SMG7: variants seen among roughly 807,000 people sequenced by gnomAD.
SMG7 encodes SMG7 nonsense mediated mRNA decay factor, also known as nonsense-mediated mRNA decay factor SMG7.
SMG7 carries 34 observed loss-of-function variants against 148.2 expected under a neutral mutation model. The observed-to-expected ratio is 0.23, with a 90% CI of 0.17 to 0.31. The LOEUF (loss-of-function observed/expected upper bound fraction) is 0.31, where lower values mean the gene tolerates loss of function less well. Among genes scored for constraint, SMG7 ranks in the 10% least tolerant of loss-of-function variants. The probability of loss-of-function intolerance (pLI) is 1.00; values close to 1 mark genes in which losing one functional copy is unlikely to be tolerated. For synonymous variants in SMG7, 492 were observed against 515.1 expected (o/e 0.96, Z 0.61); for missense variants, 1,114 against 1,408.4 (o/e 0.79, Z 3.35).
At chr1:183,504,771 C>G (rs2102348635) in intron 1 of SMG7, among the ~76,000 whole-genome samples, 1 of 152,288 alleles carries the variant, frequency 6.6e-6, no homozygotes, top group South Asian at 2.1e-4. Context: ...CCCCCTCTTA[C>G]TTTCAGACAC....
At position 183,547,029 on chromosome 1, in the gene SMG7, C is replaced by T. The variant is rs1170253497; in HGVS notation, c.2743-74C>T. 12 of 1,395,700 alleles carry T rather than the reference C, an allele frequency of 8.6e-6. No individual in the cohort carries two copies. In the East Asian group the frequency reaches 2.3e-4, roughly 26 times the overall value. The allele number at this position is 1,395,700 out of a possible 1,614,324, so 86.5% of individuals were successfully genotyped here. ...CCTTGACTTTAGTTGTCTTCTTCCACCTAATTATGCTACTATTCCTTTATG... is the reference window on the plus strand; with the variant it reads ...CCTTGACTTTAGTTGTCTTCTTCCATCTAATTATGCTACTATTCCTTTATG... On this transcript the variant is annotated intron_variant, in intron 17 of 22. Transcript: ENST00000688051.
rs113461689 is a variant in SMG7 at position 183,552,200 on chromosome 1, A to G, written c.*269A>G. The G allele has an allele frequency of 1.5e-5, 16 of 1,102,264 alleles. No individual in the cohort carries two copies. In the East Asian group the frequency reaches 1.6e-4, roughly 11 times the overall value. 68.3% of individuals were successfully genotyped at this position (1,102,264 alleles called of 1,614,324 possible). A position where few individuals can be genotyped will look rare whatever the true frequency, so the allele number is the denominator to read the frequency against. On this transcript the variant is annotated 3_prime_UTR_variant, in exon 23 of 23. Coordinates refer to ENST00000688051, the MANE Select transcript of SMG7 (RefSeq NM_001375584.1). Reference sequence around the variant, plus strand: ...TGTTTATCTCACTCAGTTACTTGGTATCACCGCCTCTCACCTTCTCCATCG... The same window carrying G: ...TGTTTATCTCACTCAGTTACTTGGTGTCACCGCCTCTCACCTTCTCCATCG...
intron 12 of SMG7, 67 bp downstream of exon 12, chr1:183,538,507 G>C: frequency 9.1e-7 from 1 of 1,097,312 alleles, no homozygotes; most frequent in Non-Finnish European, 1.4e-6. Context: ...CAGAGAATTG[G>C]GCTTGGATGT....
intron 1 of SMG7, among the ~76,000 whole-genome samples, chr1:183,494,870 C>T (rs559344772): frequency 6.9e-6 from 1 of 144,158 alleles, no homozygotes; most frequent in Non-Finnish European, 1.5e-5. Context: ...CGCTCTGTTG[C>T]CCAGGCTGGA....
intron 21 of SMG7, 55 bp downstream of exon 21, chr1:183,550,976 C>G: frequency 1.2e-6 from 2 of 1,613,442 alleles, no homozygotes; most frequent in Non-Finnish European, 1.7e-6. Flanking sequence ...TCTATCCTTC[C>G]CTGGGGTCTG....
In SMG7 at chr1:183,472,609, C is replaced by T. The variant is rs1650917325; in HGVS notation, c.-12C>T. ...GAGGCTTCGCGGGAAGACGCGGCGG[C>T]GGCGGCGGAGGATGAGCCTGCAGAG... On this transcript the variant is annotated 5_prime_UTR_variant, in exon 1 of 23. Coordinates refer to ENST00000688051, the MANE Select transcript of SMG7 (RefSeq NM_001375584.1). 7 of 1,442,622 alleles carry T rather than the reference C, an allele frequency of 4.9e-6. No individual in the cohort carries two copies. Among genetic ancestry groups the T allele is most frequent in the Admixed American group, 4.6e-5 (2 of 43,296 alleles). 89.4% of individuals were successfully genotyped at this position (1,442,622 alleles called of 1,614,324 possible). A position where few individuals can be genotyped will look rare whatever the true frequency, so the allele number is the denominator to read the frequency against.
chr1:183,551,872 T>C lies in SMG7; in HGVS notation c.3505T>C (p.Leu1169=), dbSNP rs1461543393. The C allele has an allele frequency of 3.1e-6, 5 of 1,613,702 alleles. No individual in the cohort carries two copies. In the African/African-American group the frequency reaches 6.7e-5, roughly 22 times the overall value. Residue 1169 remains leucine, a synonymous_variant, in exon 23 of 23, where the codon TTA becomes CTA. Transcript: ENST00000688051. ...TGGACCTTCTGCTCTGGAGCAGCTGTTAATGCAGCAGAAGCAGAAACAGCA... is the reference window on the plus strand; with the variant it reads ...TGGACCTTCTGCTCTGGAGCAGCTGCTAATGCAGCAGAAGCAGAAACAGCA... ...HPGPSALEQL[L]MQQKQKQQRG... is the part of the protein sequence containing the mutation.
intron 1 of SMG7, among the ~76,000 whole-genome samples, chr1:183,480,240 A>T (rs1406513515): frequency 6.6e-6 from 1 of 152,022 alleles, no homozygotes; most frequent in Non-Finnish European, 1.5e-5. Flanking sequence ...CTTTCTGTGA[A>T]CCAATCTCAA....
chr1:183,484,359 A>T (rs533738997), intron 1 of SMG7, among the ~76,000 whole-genome samples: 96 of 142,452 alleles, frequency 6.7e-4, no homozygotes, highest in South Asian at 4.4e-3. Context: ...TCTGAAAAAA[A>T]ATTTTTTTTT....
Position 183,495,596 on chromosome 1 carries a change from C to T in SMG7, c.30-17241C>T, listed in dbSNP as rs188415521. Among the ~76,000 whole-genome samples, 137 of 152,210 alleles carry T rather than the reference C, an allele frequency of 9.0e-4. 2 individuals are homozygous for T. In the East Asian group the frequency reaches 0.018, roughly 20 times the overall value. Reference sequence around the variant, plus strand: ...GTTCAAAAAGGCAAACTGGGCCAAGCGAGGTGGCTCACGCCCCTAATCCCA... The same window carrying T: ...GTTCAAAAAGGCAAACTGGGCCAAGTGAGGTGGCTCACGCCCCTAATCCCA... On this transcript the variant is annotated intron_variant, in intron 1 of 22. Coordinates refer to ENST00000688051, the MANE Select transcript of SMG7 (RefSeq NM_001375584.1).
At chr1:183,512,588 A>G (rs1390994498) in intron 1 of SMG7, among the ~76,000 whole-genome samples, 1 of 152,202 alleles carries the variant, frequency 6.6e-6, no homozygotes, top group Non-Finnish European at 1.5e-5. Context: ...AGTGGACTCT[A>G]CTTAGCAGAA....
chr1:183,527,795 A>T lies in SMG7; in HGVS notation c.485-161A>T. ...TAAGGAAGGCTGATGGACACTTCACACATAATCCTATAGTTAATTTGTTTT... is the reference window on the plus strand; with the variant it reads ...TAAGGAAGGCTGATGGACACTTCACTCATAATCCTATAGTTAATTTGTTTT... On this transcript the variant is annotated intron_variant, in intron 5 of 22. Coordinates refer to ENST00000688051, the MANE Select transcript of SMG7 (RefSeq NM_001375584.1). The surrounding 1 kb of genome is among the most constrained non-coding windows in gnomAD (Gnocchi z 4.0). 1 of 613,720 alleles carries T rather than the reference A, an allele frequency of 1.6e-6. No homozygotes were observed. Among genetic ancestry groups the T allele is most frequent in the Non-Finnish European group, 3.0e-6 (1 of 328,886 alleles). The allele number at this position is 613,720 out of a possible 1,614,324, so 38.0% of individuals were successfully genotyped here.
chr1:183,511,946 C>T (rs1254327671), intron 1 of SMG7, among the ~76,000 whole-genome samples: 1 of 152,138 alleles, frequency 6.6e-6, no homozygotes, highest in Middle Eastern at 3.2e-3. Context: ...AGCTATGATG[C>T]ATTTGCTAAG....
chr1:183,547,326 TA>T (rs2102792159), intron 18 of SMG7, 74 bp downstream of exon 18: 2 of 1,328,986 alleles, frequency 1.5e-6, no homozygotes, highest in Non-Finnish European at 2.0e-6. Context: ...GTACACAGAT[TA>T]GGTGATTTCT....
At chr1:183,545,356 GGAAATGCTGAAAGATTCAATGTTA>G (rs1558061389) in intron 16 of SMG7, 44 bp downstream of exon 16, 1 of 1,566,896 alleles carries the variant, frequency 6.4e-7, no homozygotes, top group East Asian at 2.3e-5. Context: ...TGAAATAAGG[GGAAATGCTGAAAGATTCAATGTTA>G]GAAATGCTCA....
rs527834067 is a variant in SMG7, at chr1:183,476,452, G to C, written c.29+3803G>C. 7.2e-5 allele frequency among the ~76,000 whole-genome samples: 11 copies of C among 152,286 alleles called. No individual in the cohort carries two copies. The South Asian group carries it at 2.3e-3, about 32-fold the overall frequency. On this transcript the variant is annotated intron_variant, in intron 1 of 22. Transcript: ENST00000688051. ...GGATGTCTGGCATTGAAATGGTGGG[G>C]TGGTGGGAAACCAAGGAGCAAGATG...
chr1:183,516,147 A>T (rs1448596080), intron 3 of SMG7, 156 bp downstream of exon 3: 1 of 598,790 alleles, frequency 1.7e-6, no homozygotes, highest in Non-Finnish European at 3.0e-6. Context: ...GGCCATTGGT[A>T]TTATTTCAAA....
chr1:183,544,821 T>C, intron 15 of SMG7, 109 bp from the exon 16 acceptor site: 13 of 1,089,586 alleles, frequency 1.2e-5, no homozygotes, highest in Non-Finnish European at 1.7e-5. Context: ...TAATCTCTTT[T>C]GTGATGTGTT....
chr1:183,536,058 G>A (rs1667725687), intron 10 of SMG7, among the ~76,000 whole-genome samples: 1 of 152,050 alleles, frequency 6.6e-6, no homozygotes, highest in East Asian at 1.9e-4. Flanking sequence ...ATTTTCCGTA[G>A]TGTGATTATT....
Sources: gnomAD v4.1 joint callset for allele counts (sites outside exome capture counted in the v4.1 genomes callset) on GRCh38, gnomAD v4.1.1 for gene constraint, Gnocchi (gnomAD v3.1) non-coding constraint, MANE v1.5 for transcripts, NCBI Gene and HGNC (gene_info 2026-07-23, HGNC 2026-07-21) for gene names.